DRC3: variants seen among roughly 807,000 people sequenced by gnomAD.
The protein encoded by DRC3 is dynein regulatory complex subunit 3, also known as leucine rich repeat containing 48.
A neutral mutation model predicts 57.6 loss-of-function variants in DRC3; 45 were observed. The observed-to-expected ratio is 0.78, with a 90% CI of 0.62 to 1.00. The LOEUF is 1.00. DRC3 is among the 50% of genes least tolerant of loss of function. DRC3 has a pLI of 0.00. For synonymous variants in DRC3, 257 were observed against 272.3 expected (o/e 0.94, Z 0.55); for missense variants, 655 against 675.2 (o/e 0.97, Z 0.33).
At chr17:17,994,591 GC>G (rs1245395649) in intron 7 of DRC3, among the ~76,000 whole-genome samples, 173 bp downstream of exon 7, 1 of 152,168 alleles carries the variant, frequency 6.6e-6, no homozygotes, top group Non-Finnish European at 1.5e-5. Flanking sequence ...CTGCCCCAGG[GC>G]CAGCTCCGTC....
chr17:18,010,288 G>A (rs943684005), intron 12 of DRC3, among the ~76,000 whole-genome samples: 1 of 152,190 alleles, frequency 6.6e-6, no homozygotes, highest in African/African-American at 2.4e-5. Flanking sequence ...ATGATGGAAT[G>A]ATCTGATCCC....
chr17:18,011,340 CA>C, intron 12 of DRC3: 1 of 349,618 alleles, frequency 2.9e-6, no homozygotes, highest in Non-Finnish European at 5.5e-6. Context: ...TTGTTGCCAT[CA>C]GGGATTACAA....
rs984136818 is a variant in DRC3, at chr17:18,006,346, C to G, written c.1202+93C>G. 3.2e-6 allele frequency: 3 copies of G among 926,214 alleles called. No individual in the cohort carries two copies. The African/African-American group carries it at 4.9e-5, about 15-fold the overall frequency. The allele number at this position is 926,214 out of a possible 1,614,324, so 57.4% of individuals were successfully genotyped here. On this transcript the variant is annotated intron_variant, in intron 11 of 13. Transcript: ENST00000399187. ...TGGACAAAAGAATGTTCCACAGGGTCTGAGGAGGTTTCCCGACCCTCAGAA... is the reference window on the plus strand; with the variant it reads ...TGGACAAAAGAATGTTCCACAGGGTGTGAGGAGGTTTCCCGACCCTCAGAA...
chr17:17,973,674 A>G (rs926592344), intron 1 of DRC3, 178 bp from the exon 2 acceptor site: 2 of 152,062 alleles, frequency 1.3e-5, no homozygotes, highest in African/African-American at 2.4e-5. Flanking sequence ...GGGTCTTCCT[A>G]TGTTGCCCGG....
At chr17:17,977,330 C>T (rs1453180206) in intron 2 of DRC3, 11 of 469,514 alleles carry the variant, frequency 2.3e-5, no homozygotes, top group African/African-American at 6.0e-5. Context: ...GTGGGTCCAG[C>T]GAGGGTCCCA....
chr17:17,991,970 A>G (rs1460838245), intron 5 of DRC3, among the ~76,000 whole-genome samples: 1 of 152,014 alleles, frequency 6.6e-6, no homozygotes, highest in East Asian at 1.9e-4. Context: ...GCAAGACCCC[A>G]TCCCTACTTA....
chr17:18,008,578 G>C lies in DRC3; in HGVS notation c.1326+1431G>C, dbSNP rs914104343. 2.6e-5 allele frequency among the ~76,000 whole-genome samples: 4 copies of C among 152,220 alleles called. No individual in the cohort carries two copies. Among genetic ancestry groups the C allele is most frequent in the African/African-American group, 9.6e-5 (4 of 41,458 alleles). On this transcript the variant is annotated intron_variant, in intron 12 of 13. Coordinates refer to ENST00000399187, the MANE Select transcript of DRC3 (RefSeq NM_031294.4). The surrounding 1 kb of genome is among the most constrained non-coding windows in gnomAD (Gnocchi z 4.3). ...GCCAGATATGGGGCTAAGTCTTGCA[G>C]ACACACAGGACCAGCAGTCCCTGAC...
intron 9 of DRC3, among the ~76,000 whole-genome samples, chr17:18,001,244 C>G (rs1487958947): frequency 6.6e-6 from 1 of 152,186 alleles, no homozygotes; most frequent in Admixed American, 6.5e-5. Flanking sequence ...TAGCTCACGT[C>G]TGTAATCTCA....
intron 4 of DRC3, among the ~76,000 whole-genome samples, chr17:17,986,746 AAGCC>A (rs1486070942): frequency 2.6e-5 from 4 of 150,972 alleles, no homozygotes; most frequent in African/African-American, 9.7e-5. Flanking sequence ...TTACAGGTGT[AAGCC>A]ACTACGCCCA....
chr17:17,974,312 C>T (rs1385836777), intron 2 of DRC3, among the ~76,000 whole-genome samples: 1 of 152,248 alleles, frequency 6.6e-6, no homozygotes, highest in East Asian at 1.9e-4. Context: ...TTTTGCAATT[C>T]TCAGTACTGT....
Position 17,987,952 on chromosome 17 carries a change from G to A in DRC3, c.298G>A (p.Glu100Lys). ...VWLDLSFNNI[E>K]TIEGLDTLVN... ...CCCAGATCTGTCTTTCAACAACATT[G>A]AGACCATCGAGGGGCTGGACACACT... The change falls in exon 5 of 14, where the codon GAG becomes AAG. Residue 100 changes from glutamate to lysine, a missense_variant. Coordinates refer to ENST00000399187, the MANE Select transcript of DRC3 (RefSeq NM_031294.4). The A allele has an allele frequency of 1.2e-6, 2 of 1,613,898 alleles. No individual in the cohort carries two copies. The highest frequency in any genetic ancestry group is 1.1e-5 in the South Asian group (1 of 91,074).
At chr17:17,976,653 G>A (rs941251553) in intron 2 of DRC3, among the ~76,000 whole-genome samples, 5 of 152,098 alleles carry the variant, frequency 3.3e-5, no homozygotes, top group Admixed American at 6.5e-5. Flanking sequence ...CAGCCTGGGC[G>A]ACAGAGCGAG....
rs2044358163 is a variant in DRC3 at position 18,016,209 on chromosome 17, A to C, written c.1458+14A>C. ...TTAATAGACAGGGTGAGTCAATCCCAAGCCATCCTAGCAGGCTGGATGAAC... is the reference window on the plus strand; with the variant it reads ...TTAATAGACAGGGTGAGTCAATCCCCAGCCATCCTAGCAGGCTGGATGAAC... On this transcript the variant is annotated intron_variant, in intron 13 of 13. Transcript: ENST00000399187. The C allele has an allele frequency of 1.2e-6, 2 of 1,611,862 alleles. No individual in the cohort carries two copies. Among genetic ancestry groups the C allele is most frequent in the East Asian group, 2.2e-5 (1 of 44,816 alleles).
At chr17:17,973,193 A>T (rs1425524204) in intron 1 of DRC3, 1 of 151,192 alleles carries the variant, frequency 6.6e-6, no homozygotes. Context: ...AAAAAAAAAA[A>T]TACTAAGGAA....
intron 4 of DRC3, among the ~76,000 whole-genome samples, chr17:17,984,219 A>C (rs1414621468): frequency 6.6e-6 from 1 of 152,210 alleles, no homozygotes; most frequent in African/African-American, 2.4e-5. Context: ...TGGATGGGGT[A>C]CAAAGGGGCA....
intron 10 of DRC3, chr17:18,005,525 G>A (rs575038682): frequency 6.6e-6 from 1 of 152,362 alleles, no homozygotes; most frequent in African/African-American, 2.4e-5. Context: ...ACTCCCATTT[G>A]GGCCTTAGGT....
At chr17:18,012,192 C>T (rs1005400222) in intron 12 of DRC3, among the ~76,000 whole-genome samples, 3 of 152,174 alleles carry the variant, frequency 2.0e-5, no homozygotes, top group African/African-American at 7.2e-5. Flanking sequence ...ATAGAGAACT[C>T]AGAAATTAAT....
Position 18,016,671 on chromosome 17 carries a change from G to C in DRC3, c.1572G>C (p.Ter524TyrextTer12). The C allele has an allele frequency of 6.3e-7, 1 of 1,599,380 alleles. No individual in the cohort carries two copies. Among genetic ancestry groups the C allele is most frequent in the Non-Finnish European group, 8.6e-7 (1 of 1,166,970 alleles). The part of the protein sequence containing the change: ...DNLECGDILD[*>Y] ...TGGAATGTGGCGACATCCTAGACTA[G>C]ATGAATGTCAGCCACAGGAGCTTCT... The change falls in exon 14 of 14, where the codon TAG becomes TAC. Residue 524 changes from the stop codon to tyrosine, a stop_lost. Transcript: ENST00000399187.
chr17:17,983,053 A>G (rs1365361585), intron 3 of DRC3, among the ~76,000 whole-genome samples: 1 of 152,020 alleles, frequency 6.6e-6, no homozygotes, highest in Non-Finnish European at 1.5e-5. Flanking sequence ...GTTTTTCAGA[A>G]CTCTCCTGGC....
Sources: allele counts gnomAD v4.1 joint callset (sites outside exome capture counted in the v4.1 genomes callset), GRCh38; gene constraint gnomAD v4.1.1; non-coding constraint Gnocchi (gnomAD v3.1); transcripts MANE v1.5; gene names NCBI Gene and HGNC (gene_info 2026-07-23, HGNC 2026-07-21).